Variants in ZNF19 observed in about 807,000 individuals in gnomAD.
ZNF19 encodes the protein zinc finger protein 19 (KOX 12).
A neutral mutation model predicts 13.1 loss-of-function variants in ZNF19; 11 were observed. The ratio of observed to expected loss-of-function variants is 0.84; its 90% CI spans 0.53 to 1.39. ZNF19 has a LOEUF of 1.39. Among genes scored for constraint, ZNF19 ranks in the 40% most tolerant of loss-of-function variants. ZNF19 has a pLI of 0.00. For missense variants in ZNF19, 560 were observed against 547.0 expected, an observed-to-expected ratio of 1.02 and a Z score of -0.24; for synonymous variants, 186 against 187.0, an observed-to-expected ratio of 0.99 and a Z score of 0.04.
At chr16:71,482,220 A>G in intron 2 of ZNF19, 77 bp from the exon 3 acceptor site, 2 of 1,407,150 alleles carry the variant, frequency 1.4e-6, no homozygotes, top group Middle Eastern at 1.8e-4. Context: ...AAATTTGCCA[A>G]TAGCAAGCAG....
intron 2 of ZNF19, among the ~76,000 whole-genome samples, chr16:71,484,214 G>A (rs2043657988): frequency 6.6e-6 from 1 of 152,244 alleles, no homozygotes; most frequent in Non-Finnish European, 1.5e-5. Flanking sequence ...CTTCCTGGGG[G>A]CGGGGCCCAC....
chr16:71,481,189 A>C (rs191189409), intron 3 of ZNF19, among the ~76,000 whole-genome samples: 876 of 152,318 alleles, frequency 5.8e-3, no homozygotes, highest in Middle Eastern at 0.017. Context: ...GATGTCAGAC[A>C]CTTGTGGAAA....
chr16:71,488,463 TAAG>T (rs1420717007), intron 1 of ZNF19, among the ~76,000 whole-genome samples: 1 of 151,676 alleles, frequency 6.6e-6, no homozygotes, highest in Non-Finnish European at 1.5e-5. Flanking sequence ...ATTATCTGTA[TAAG>T]AAGTCCCAAA....
At chr16:71,481,299 G>T (rs2043635723) in intron 3 of ZNF19, among the ~76,000 whole-genome samples, 1 of 152,192 alleles carries the variant, frequency 6.6e-6, no homozygotes, top group Admixed American at 6.5e-5. Context: ...TATGATTTGG[G>T]ATATGGTTCA....
intron 3 of ZNF19, among the ~76,000 whole-genome samples, chr16:71,479,805 T>C (rs1454734553): frequency 6.6e-6 from 1 of 152,122 alleles, no homozygotes; most frequent in Non-Finnish European, 1.5e-5. Flanking sequence ...CTCTTTTTTT[T>C]CTGTTTTTGA....
rs2043601188 is a variant in ZNF19 at position 71,476,118 on chromosome 16, T to C, written c.429A>G (p.Thr143=). The C allele has an allele frequency of 6.2e-6, 10 of 1,614,228 alleles. No individual in the cohort carries two copies. The East Asian group carries it at 1.8e-4, about 29-fold the overall frequency. ...GAACCTTTCCTTGGATATTTTTCAC[T>C]GTGGGGATGTCCTGGTGCTTTTCCA... ...RNVEKHQDIP[T]VKNIQGKVPR... Residue 143 remains threonine, a synonymous_variant, in exon 6 of 6, where the codon ACA becomes ACG. Transcript: ENST00000288177.
chr16:71,482,120 G>C lies in ZNF19; in HGVS notation c.-6C>G. ...TTCAGAGGCATGGCTGCCATGACCT[G>C]GTCTCCCTCTTAGCAGGCAAAGGCT... On this transcript the variant is annotated 5_prime_UTR_variant, in exon 3 of 6. Transcript: ENST00000288177. 1 of 1,614,078 alleles carries C rather than the reference G, an allele frequency of 6.2e-7. No homozygotes were observed. Among genetic ancestry groups the C allele is most frequent in the African/African-American group, 1.3e-5 (1 of 75,054 alleles).
chr16:71,478,582 C>T, intron 4 of ZNF19: 1 of 679,094 alleles, frequency 1.5e-6, no homozygotes, highest in South Asian at 1.5e-5. Flanking sequence ...AGGGGACATG[C>T]CCTTCCCCAG....
intron 3 of ZNF19, among the ~76,000 whole-genome samples, chr16:71,479,378 G>A (rs2043623124): frequency 6.6e-6 from 1 of 152,102 alleles, no homozygotes. Context: ...GCTTCAAATG[G>A]TATCTCAGGA....
chr16:71,479,044 C>T, intron 3 of ZNF19, 39 bp from the exon 4 acceptor site: 1 of 1,613,972 alleles, frequency 6.2e-7, no homozygotes, highest in Non-Finnish European at 8.5e-7. Flanking sequence ...AGCCAATCCT[C>T]TGGCTCCGGG....
rs111687131 is a variant in ZNF19 at position 71,483,843 on chromosome 16, G to C, written c.-30+746C>G. On this transcript the variant is annotated intron_variant, in intron 2 of 5. Transcript: ENST00000288177. The stretch of plus-strand genomic sequence containing the variant: ...GTCCCTCGCAGAGCTTAGTCTAAAG[G>C]AAAGACACATTAATCAAGATTCTCT... 7.3e-4 allele frequency among the ~76,000 whole-genome samples: 111 copies of C among 152,310 alleles called. 1 individual carries two copies. Among genetic ancestry groups the C allele is most frequent in the African/African-American group, 2.6e-3 (106 of 41,552 alleles).
chr16:71,484,594 G>GA lies in ZNF19; in HGVS notation c.-36dup. 1 of 985,440 alleles carries GA rather than the reference G, an allele frequency of 1.0e-6. No homozygotes were observed. The highest frequency in any genetic ancestry group is 1.2e-6 in the Non-Finnish European group (1 of 829,956). The allele number at this position is 985,440 out of a possible 1,614,324, so 61.0% of individuals were successfully genotyped here. A position where few individuals can be genotyped will look rare whatever the true frequency, so the allele number is the denominator to read the frequency against. On this transcript the variant is annotated 5_prime_UTR_variant, in exon 2 of 6. Coordinates refer to ENST00000288177, the MANE Select transcript of ZNF19 (RefSeq NM_006961.4). Reference sequence around the variant, plus strand: ...CGACAAACCCCAACACTCACCTCAGGAAAAACAGAAAGCGGTGCGTGAACG... The same window carrying GA: ...CGACAAACCCCAACACTCACCTCAGGAAAAAACAGAAAGCGGTGCGTGAACG...
chr16:71,477,665 T>C lies in ZNF19; in HGVS notation c.274+563A>G, dbSNP rs142721512. 2.9e-3 allele frequency among the ~76,000 whole-genome samples: 439 copies of C among 152,254 alleles called. 2 individuals are homozygous for C. The highest frequency in any genetic ancestry group is 9.5e-3 in the African/African-American group (395 of 41,546). On this transcript the variant is annotated intron_variant, in intron 5 of 5. Transcript: ENST00000288177. ...TCCACCCACCTTCTCAATGGCCTGC[T>C]CTAGCCATCCACTTGCCTATTCTAA...
At position 71,482,203 on chromosome 16, in the gene ZNF19, G is replaced by A. The variant is rs111793980; in HGVS notation, c.-29-60C>T. The A allele has an allele frequency of 1.7e-5, 26 of 1,551,220 alleles. No homozygotes were observed. The African/African-American group carries it at 1.8e-4, about 10-fold the overall frequency. ...TCAGCCCAGTAAAATGCTCTCTTTA[G>A]AGCAATAAATTTGCCAATAGCAAGC... is the stretch of plus-strand genomic sequence containing the variant. On this transcript the variant is annotated intron_variant, in intron 2 of 5. Coordinates refer to ENST00000288177, the MANE Select transcript of ZNF19 (RefSeq NM_006961.4).
intron 4 of ZNF19, 42 bp from the exon 5 acceptor site, chr16:71,478,383 G>A (rs755039302): frequency 2.1e-6 from 3 of 1,445,310 alleles, no homozygotes; most frequent in Non-Finnish European, 2.9e-6. Flanking sequence ...CCCTGTATCT[G>A]CTGTGTCAAA....
chr16:71,489,321 G>A lies in ZNF19; in HGVS notation c.-239C>T, dbSNP rs528550076. 1.5e-4 allele frequency: 149 copies of A among 985,436 alleles called. No individual in the cohort carries two copies. The Middle Eastern group carries it at 3.1e-3, about 21-fold the overall frequency. 61.0% of individuals were successfully genotyped at this position (985,436 alleles called of 1,614,324 possible). On this transcript the variant is annotated 5_prime_UTR_variant, in exon 1 of 6. Coordinates refer to ENST00000288177, the MANE Select transcript of ZNF19 (RefSeq NM_006961.4). ...CCAGAAGCGCACCGCTAGCGAGAAC[G>A]GTTAGGAGGCCGGAAGTGCGTCACG...
intron 1 of ZNF19, among the ~76,000 whole-genome samples, chr16:71,485,914 G>C (rs540649729): frequency 3.9e-5 from 6 of 152,150 alleles, no homozygotes; most frequent in Admixed American, 6.5e-5. Context: ...TTTTCCCTCT[G>C]GTAAGCAGAA....
intron 1 of ZNF19, among the ~76,000 whole-genome samples, chr16:71,485,896 ACT>A (rs1270847769): frequency 5.9e-5 from 9 of 152,158 alleles, no homozygotes; most frequent in Non-Finnish European, 1.0e-4. Flanking sequence ...ATCAGCAGTC[ACT>A]CTCCATTTTC....
chr16:71,476,733 CAA>C (rs2043605366), intron 5 of ZNF19, among the ~76,000 whole-genome samples: 5 of 152,130 alleles, frequency 3.3e-5, no homozygotes, highest in African/African-American at 9.7e-5. Flanking sequence ...GCAGATGTCC[CAA>C]AAGACTTAAG....
Sources: gnomAD v4.1 joint callset for allele counts (sites outside exome capture counted in the v4.1 genomes callset) on GRCh38, gnomAD v4.1.1 for gene constraint, MANE v1.5 for transcripts, NCBI Gene and HGNC (gene_info 2026-07-23, HGNC 2026-07-21) for gene names.